The following PCSK5 variants were observed in gnomAD, a reference collection of about 807,000 sequenced individuals.
PCSK5 encodes the protein proprotein convertase subtilisin/kexin type 5.
Under a neutral mutation model 233.2 loss-of-function variants are expected in PCSK5, and 129 were observed. That is an observed-to-expected ratio of 0.55 (90% CI 0.48 to 0.64). PCSK5 has a LOEUF of 0.64. Among genes scored for constraint, PCSK5 ranks in the 30% least tolerant of loss-of-function variants. The pLI is 0.00. For missense variants in PCSK5, 2,076 were observed against 2,430.1 expected, an observed-to-expected ratio of 0.85 and a Z score of 3.06; for synonymous variants, 825 against 879.2, an observed-to-expected ratio of 0.94 and a Z score of 1.09.
chr9:76,203,790 A>G (rs1226858431), intron 20 of PCSK5, among the ~76,000 whole-genome samples: 2 of 152,208 alleles, frequency 1.3e-5, no homozygotes, highest in Admixed American at 6.5e-5. Context: ...CTCAATCACA[A>G]TATGTCCTTT....
intron 5 of PCSK5, among the ~76,000 whole-genome samples, chr9:76,034,775 C>A (rs551110476): frequency 2.6e-5 from 4 of 152,140 alleles, no homozygotes; most frequent in Non-Finnish European, 5.9e-5. Flanking sequence ...AATAGAAAGG[C>A]AAGAACATAT....
chr9:76,095,636 A>G (rs954467001), intron 7 of PCSK5, among the ~76,000 whole-genome samples: 9 of 152,144 alleles, frequency 5.9e-5, no homozygotes, highest in African/African-American at 2.2e-4. Context: ...GTTCATGTAA[A>G]ACACTTTGAA....
At chr9:75,896,338 G>A (rs1825803977) in intron 1 of PCSK5, among the ~76,000 whole-genome samples, 1 of 152,180 alleles carries the variant, frequency 6.6e-6, no homozygotes, top group Non-Finnish European at 1.5e-5. Flanking sequence ...TGAGCCTAAA[G>A]GCAGCTGACT....
intron 20 of PCSK5, among the ~76,000 whole-genome samples, chr9:76,226,605 T>C (rs1054865915): frequency 3.9e-5 from 6 of 152,038 alleles, no homozygotes; most frequent in African/African-American, 1.4e-4. Flanking sequence ...CCAGTGGAGG[T>C]TGTGTCTCTG....
chr9:76,278,920 T>G (rs993119126), intron 24 of PCSK5, among the ~76,000 whole-genome samples: 3 of 152,202 alleles, frequency 2.0e-5, no homozygotes, highest in East Asian at 3.8e-4. Context: ...TGTTGCATTT[T>G]TTTTATTATA....
intron 3 of PCSK5, among the ~76,000 whole-genome samples, chr9:76,001,155 TA>T (rs2131427702): frequency 6.6e-6 from 1 of 152,330 alleles, no homozygotes; most frequent in East Asian, 1.9e-4. Context: ...GTGTCACCAA[TA>T]TAATTACTCT....
chr9:76,251,131 G>T (rs984391940), intron 24 of PCSK5, among the ~76,000 whole-genome samples: 3 of 152,092 alleles, frequency 2.0e-5, no homozygotes, highest in African/African-American at 7.2e-5. Context: ...GTCAAGGTGT[G>T]GTGTGCATGG....
chr9:76,081,393 G>T (rs147705233), intron 7 of PCSK5, among the ~76,000 whole-genome samples: 1 of 152,074 alleles, frequency 6.6e-6, no homozygotes, highest in Non-Finnish European at 1.5e-5. Flanking sequence ...GGCAGAGTTT[G>T]CAGTGAGTTG....
At chr9:76,009,639 A>C (rs1413472308) in intron 3 of PCSK5, among the ~76,000 whole-genome samples, 2 of 151,844 alleles carry the variant, frequency 1.3e-5, no homozygotes, top group Non-Finnish European at 2.9e-5. Context: ...GAAAAAAAAA[A>C]AAACAAAAAA....
At chr9:76,250,032 C>T (rs1826750304) in intron 24 of PCSK5, among the ~76,000 whole-genome samples, 1 of 152,170 alleles carries the variant, frequency 6.6e-6, no homozygotes, top group African/African-American at 2.4e-5. Flanking sequence ...GAAGGCCAGG[C>T]ACGGTGGCTC....
rs555220569 is a variant in PCSK5 at position 75,948,049 on chromosome 9, G to T, written c.297+15566G>T. 2.8e-3 allele frequency among the ~76,000 whole-genome samples: 422 copies of T among 151,990 alleles called. 6 individuals are homozygous for T. The highest frequency in any genetic ancestry group is 7.5e-3 in the African/African-American group (310 of 41,454). ...TTTTGTACAGACAGGGTCTCACTAGGTTGGCTAGGCTGGTCTCAAACTCTG... is the reference window on the plus strand; with the variant it reads ...TTTTGTACAGACAGGGTCTCACTAGTTTGGCTAGGCTGGTCTCAAACTCTG... On this transcript the variant is annotated intron_variant, in intron 2 of 37. Transcript: ENST00000674117.
intron 3 of PCSK5, among the ~76,000 whole-genome samples, chr9:76,010,951 A>G (rs1039976568): frequency 6.6e-6 from 1 of 152,116 alleles, no homozygotes; most frequent in Non-Finnish European, 1.5e-5. Flanking sequence ...AGAGTTTAGG[A>G]GTTACTATAA....
chr9:76,331,983 T>C (rs1587341261), intron 33 of PCSK5, among the ~76,000 whole-genome samples: 1 of 152,236 alleles, frequency 6.6e-6, no homozygotes, highest in East Asian at 1.9e-4. Flanking sequence ...AAGAGACTAA[T>C]ACGGCGGTGT....
At chr9:76,169,278 T>G (rs1823226453) in intron 12 of PCSK5, among the ~76,000 whole-genome samples, 1 of 152,154 alleles carries the variant, frequency 6.6e-6, no homozygotes, top group African/African-American at 2.4e-5. Context: ...GGAGGAGGAT[T>G]GTTGAGTTTT....
chr9:75,911,730 G>T (rs953743251), intron 1 of PCSK5, among the ~76,000 whole-genome samples: 51 of 152,062 alleles, frequency 3.4e-4, no homozygotes, highest in African/African-American at 1.2e-3. Flanking sequence ...TGCTGGCTTG[G>T]GTTATGGAGA....
chr9:76,071,330 C>A (rs1029451639), intron 6 of PCSK5, among the ~76,000 whole-genome samples: 4 of 151,970 alleles, frequency 2.6e-5, no homozygotes, highest in African/African-American at 9.7e-5. Context: ...TATATGACTG[C>A]TAAGGTTAGA....
intron 9 of PCSK5, among the ~76,000 whole-genome samples, chr9:76,124,445 C>T (rs1481036067): frequency 1.3e-5 from 2 of 151,970 alleles, no homozygotes; most frequent in African/African-American, 4.8e-5. Flanking sequence ...CATCTCTTTC[C>T]TTAAAAATAT....
intron 34 of PCSK5, among the ~76,000 whole-genome samples, chr9:76,336,167 A>G (rs1021201787): frequency 5.3e-5 from 8 of 152,218 alleles, no homozygotes; most frequent in Non-Finnish European, 1.2e-4. Flanking sequence ...CAAAAAGTGA[A>G]GGAAGTCTCA....
intron 3 of PCSK5, among the ~76,000 whole-genome samples, chr9:76,012,659 T>C (rs1373738027): frequency 6.6e-6 from 1 of 152,196 alleles, no homozygotes; most frequent in East Asian, 1.9e-4. Flanking sequence ...TTTGATTATA[T>C]AAAAGCATAA....
Sources: allele counts gnomAD v4.1 joint callset (sites outside exome capture counted in the v4.1 genomes callset), GRCh38; gene constraint gnomAD v4.1.1; transcripts MANE v1.5; gene names NCBI Gene and HGNC (gene_info 2026-07-23, HGNC 2026-07-21).